The following PPP2R3B variants were observed in gnomAD, a reference collection of about 807,000 sequenced individuals.
The protein encoded by PPP2R3B is protein phosphatase 2 regulatory subunit B''beta.
A neutral mutation model predicts 72.9 loss-of-function variants in PPP2R3B; 68 were observed. The ratio of observed to expected loss-of-function variants is 0.93; its 90% confidence interval spans 0.77 to 1.14. PPP2R3B has a LOEUF of 1.14. PPP2R3B is among the 50% of genes most tolerant of loss of function. PPP2R3B has a pLI of 0.00. For synonymous variants in PPP2R3B, 466 were observed against 375.8 expected (o/e 1.24, Z -2.78); for missense variants, 1,018 against 842.0 (o/e 1.21, Z -2.59).
intron 5 of PPP2R3B, 140 bp from the exon 6 acceptor site, chrX:346,400 A>G (rs1250469125): frequency 2.4e-6 from 2 of 835,682 alleles, no homozygotes; most frequent in Middle Eastern, 3.6e-4. Flanking sequence ...GGGCAGAGGG[A>G]AGGGCCCTGC....
chrX:380,786 CAAAAAAAA>C (rs1054118917), intron 1 of PPP2R3B, among the ~76,000 whole-genome samples: 1 of 53,126 alleles, frequency 1.9e-5, no homozygotes, highest in Non-Finnish European at 3.4e-5. Flanking sequence ...AACTCCATCT[CAAAAAAAA>C]AAAAAAAAAA....
At position 345,598 on chromosome X, in the gene PPP2R3B, G is replaced by A. The variant is rs752262668; in HGVS notation, c.954C>T (p.Val318=). 15 of 1,613,334 alleles carry A rather than the reference G, an allele frequency of 9.3e-6. No individual in the cohort carries two copies. In the East Asian group the frequency reaches 2.9e-4, roughly 31 times the overall value. ...CCAGCTCCCAGAACTTGCAGTAGATGACGTAGAAATGCTCGTACGAGAAGA... is the reference window on the plus strand; with the variant it reads ...CCAGCTCCCAGAACTTGCAGTAGATAACGTAGAAATGCTCGTACGAGAAGA... ...TEFFSYEHFY[V]IYCKFWELDT... The change falls in exon 7 of 13, where the codon GTC becomes GTT. Residue 318 remains valine, a synonymous_variant. Coordinates refer to ENST00000390665, the MANE Select transcript of PPP2R3B (RefSeq NM_013239.5).
chrX:384,666 C>T (rs1257647199), intron 1 of PPP2R3B, among the ~76,000 whole-genome samples: 6 of 151,986 alleles, frequency 3.9e-5, no homozygotes, highest in African/African-American at 9.7e-5. Context: ...TTCCACCAGC[C>T]GTAACTACAG....
At position 341,885 on chromosome X, in the gene PPP2R3B, T is replaced by C. The variant is rs751904684; in HGVS notation, c.1083A>G (p.Thr361=). ...TCAGGCGCCTGAGCCGTACGTACCG[T>C]GTGACTGCTCCTGAGAAGATCCTGT... ...MIDRIFSGAV[T]RGRKVQKEGK... is the part of the protein sequence containing the mutation. The change falls in exon 8 of 13, where the codon ACA becomes ACG. Residue 361 remains threonine (T), a splice_region_variant and synonymous_variant. Coordinates refer to ENST00000390665, the MANE Select transcript of PPP2R3B (RefSeq NM_013239.5). 42 of 1,612,660 alleles carry C rather than the reference T, an allele frequency of 2.6e-5. No homozygotes were observed. In the African/African-American group the frequency reaches 5.1e-4, roughly 19 times the overall value.
chrX:374,105 G>A (rs774274709), intron 1 of PPP2R3B: 10 of 150,854 alleles, frequency 6.6e-5, no homozygotes, highest in African/African-American at 2.4e-4. Context: ...GGCGGAACGC[G>A]CATCAACAGG....
intron 1 of PPP2R3B, among the ~76,000 whole-genome samples, chrX:369,220 G>T (rs1174517492): frequency 6.6e-6 from 1 of 152,202 alleles, no homozygotes; most frequent in African/African-American, 2.4e-5. Context: ...TGTGGAAGAA[G>T]AATTCTAAAG....
chrX:377,704 A>G, intron 1 of PPP2R3B, among the ~76,000 whole-genome samples: 1 of 140,088 alleles, frequency 7.1e-6, no homozygotes, highest in South Asian at 2.3e-4. Context: ...TCTATACACT[A>G]CTGTGTACAG....
At chrX:365,526 G>C in intron 1 of PPP2R3B, among the ~76,000 whole-genome samples, 1 of 13,718 alleles carries the variant, frequency 7.3e-5, no homozygotes, top group Non-Finnish European at 1.1e-4. Context: ...CTGGGCGACA[G>C]AGTGAGACTC....
At chrX:378,508 C>G (rs1218014280) in intron 1 of PPP2R3B, among the ~76,000 whole-genome samples, 5 of 152,324 alleles carry the variant, frequency 3.3e-5, no homozygotes, top group Non-Finnish European at 1.5e-5. Flanking sequence ...TAGCTAGTAA[C>G]AGGCAAGCCT....
intron 1 of PPP2R3B, among the ~76,000 whole-genome samples, chrX:365,369 C>G (rs1330592280): frequency 4.6e-4 from 13 of 28,142 alleles, no homozygotes; most frequent in Admixed American, 7.8e-4. Context: ...CAGAGTGAGA[C>G]TCTGTCTCAA....
intron 1 of PPP2R3B, among the ~76,000 whole-genome samples, chrX:370,838 G>A (rs747199453): frequency 2.0e-5 from 3 of 152,322 alleles, no homozygotes; most frequent in Non-Finnish European, 4.4e-5. Context: ...CTGTCACCAC[G>A]CTGAAGTCAG....
intron 1 of PPP2R3B, among the ~76,000 whole-genome samples, chrX:368,703 C>CTAATAGA (rs2071785646): frequency 9.5e-6 from 1 of 105,456 alleles, no homozygotes; most frequent in Non-Finnish European, 2.0e-5. Flanking sequence ...ACCCTGGGCA[C>CTAATAGA]CGACGGGGGG....
chrX:371,293 G>T (rs2071857197), intron 1 of PPP2R3B, among the ~76,000 whole-genome samples: 1 of 152,180 alleles, frequency 6.6e-6, no homozygotes, highest in Non-Finnish European at 1.5e-5. Flanking sequence ...GAGAGTACGT[G>T]TAACACGCCA....
chrX:367,087 C>A (rs2071734980), intron 1 of PPP2R3B, among the ~76,000 whole-genome samples: 1 of 150,858 alleles, frequency 6.6e-6, no homozygotes, highest in Admixed American at 6.6e-5. Flanking sequence ...ACAGAGCATG[C>A]ACCCCATTAA....
chrX:341,219 C>T (rs1044204146), intron 9 of PPP2R3B, 88 bp downstream of exon 9: 55 of 1,433,002 alleles, frequency 3.8e-5, no homozygotes, highest in Middle Eastern at 1.9e-4. Context: ...CCCCACCAGG[C>T]GTGCAGGCAT....
rs904869886 is a variant in PPP2R3B at position 364,165 on chromosome X, G to A, written c.325-2575C>T. 4.6e-5 allele frequency among the ~76,000 whole-genome samples: 7 copies of A among 152,218 alleles called. No individual in the cohort carries two copies. The East Asian group carries it at 5.8e-4, about 13-fold the overall frequency. ...GAGGAGGCAAAACGCAGGGTCCTCC[G>A]GGGAAGCTCCCAGAACGCGTCACCT... On this transcript the variant is annotated intron_variant, in intron 1 of 12. Coordinates refer to ENST00000390665, the MANE Select transcript of PPP2R3B (RefSeq NM_013239.5).
At chrX:351,547 T>C (rs1001222645) in intron 2 of PPP2R3B, among the ~76,000 whole-genome samples, 1 of 150,364 alleles carries the variant, frequency 6.7e-6, no homozygotes, top group African/African-American at 2.5e-5. Flanking sequence ...ATTTTTATTC[T>C]ACTTGTTTTT....
intron 12 of PPP2R3B, chrX:336,103 G>C (rs1487634403): frequency 6.6e-6 from 1 of 152,200 alleles, no homozygotes; most frequent in East Asian, 1.9e-4. Context: ...AGCAGGTGGA[G>C]GGTGCAGTGA....
At chrX:378,779 C>T (rs939795157) in intron 1 of PPP2R3B, among the ~76,000 whole-genome samples, 5 of 152,124 alleles carry the variant, frequency 3.3e-5, no homozygotes, top group African/African-American at 1.2e-4. Flanking sequence ...CTCCTCACAA[C>T]GAGACTCTCA....
Sources: allele counts gnomAD v4.1 joint callset (sites outside exome capture counted in the v4.1 genomes callset), GRCh38; gene constraint gnomAD v4.1.1; transcripts MANE v1.5; gene names NCBI Gene and HGNC (gene_info 2026-07-23, HGNC 2026-07-21).